The following RAB11FIP4 variants were observed in gnomAD, a reference collection of about 807,000 sequenced individuals.
RAB11FIP4 encodes rab11 family-interacting protein 4.
RAB11FIP4 carries 23 observed loss-of-function variants against 74.3 expected under a neutral mutation model. The observed-to-expected ratio is 0.31, with a 90% CI of 0.22 to 0.44. The LOEUF (loss-of-function observed/expected upper bound fraction) is 0.44. Ranked by LOEUF, RAB11FIP4 falls within the 20% of genes least tolerant of loss-of-function variation. RAB11FIP4 has a pLI of 1.00. For synonymous variants in RAB11FIP4, 360 were observed against 359.9 expected (o/e 1.00, Z 0.00); for missense variants, 630 against 863.9 (o/e 0.73, Z 3.39).
intron 1 of RAB11FIP4, among the ~76,000 whole-genome samples, chr17:31,392,880 A>T (rs1045751456): frequency 2.6e-5 from 4 of 152,168 alleles, no homozygotes; most frequent in African/African-American, 9.6e-5. Flanking sequence ...CTGGAGCCAA[A>T]AGCCCTGAGA....
intron 3 of RAB11FIP4, among the ~76,000 whole-genome samples, chr17:31,486,847 T>C (rs961502501): frequency 6.6e-6 from 1 of 152,190 alleles, no homozygotes; most frequent in Non-Finnish European, 1.5e-5. Context: ...CAGCGGCTGC[T>C]TTGCCTCAGA....
intron 3 of RAB11FIP4, among the ~76,000 whole-genome samples, chr17:31,511,482 G>GC: frequency 6.6e-6 from 1 of 152,182 alleles, no homozygotes. Context: ...TCATCATACT[G>GC]CAGTACAGTA....
At chr17:31,441,619 C>T (rs1237300121) in intron 3 of RAB11FIP4, among the ~76,000 whole-genome samples, 1 of 151,386 alleles carries the variant, frequency 6.6e-6, no homozygotes, top group East Asian at 1.9e-4. Context: ...TCTCTGCCTC[C>T]CGGGTTCAAG....
chr17:31,435,509 C>A (rs1018734114), intron 3 of RAB11FIP4, among the ~76,000 whole-genome samples: 1 of 152,180 alleles, frequency 6.6e-6, no homozygotes, highest in African/African-American at 2.4e-5. Flanking sequence ...GGTGGCAACA[C>A]CCAGAACTAG....
chr17:31,509,835 G>A (rs7212160), intron 3 of RAB11FIP4, among the ~76,000 whole-genome samples: 114,252 of 151,976 alleles, frequency 0.75, 43,044 homozygotes, highest in East Asian at 0.95. Flanking sequence ...CTGAGCTGAG[G>A]TTGCTTGTTG....
intron 3 of RAB11FIP4, among the ~76,000 whole-genome samples, chr17:31,450,599 C>G (rs1279351776): frequency 6.6e-6 from 1 of 151,974 alleles, no homozygotes; most frequent in African/African-American, 2.4e-5. Flanking sequence ...TCCACCTCAG[C>G]CTTGCCCGCC....
intron 1 of RAB11FIP4, among the ~76,000 whole-genome samples, chr17:31,414,314 G>C (rs954617920): frequency 6.6e-6 from 1 of 152,228 alleles, no homozygotes; most frequent in African/African-American, 2.4e-5. Flanking sequence ...CAGGACATCT[G>C]TTCCTTCCCT....
At chr17:31,511,585 C>G (rs1045801652) in intron 3 of RAB11FIP4, among the ~76,000 whole-genome samples, 1 of 152,246 alleles carries the variant, frequency 6.6e-6, no homozygotes, top group Non-Finnish European at 1.5e-5. Context: ...GGTCCTTGCT[C>G]TCACAGGGAA....
intron 3 of RAB11FIP4, among the ~76,000 whole-genome samples, chr17:31,516,828 G>A (rs2072560841): frequency 6.6e-6 from 1 of 152,208 alleles, no homozygotes; most frequent in East Asian, 1.9e-4. Flanking sequence ...AGGGGATCAA[G>A]AACCTGGTTG....
chr17:31,440,970 A>C (rs939583760), intron 3 of RAB11FIP4, among the ~76,000 whole-genome samples: 1 of 151,872 alleles, frequency 6.6e-6, no homozygotes, highest in African/African-American at 2.4e-5. Flanking sequence ...ATATCTTTTC[A>C]TTTATTCTGG....
intron 3 of RAB11FIP4, among the ~76,000 whole-genome samples, chr17:31,511,283 G>A (rs1284425668): frequency 2.0e-5 from 3 of 152,202 alleles, no homozygotes; most frequent in Non-Finnish European, 2.9e-5. Context: ...TTTGCCGTGT[G>A]TTCCGCGCCC....
At chr17:31,420,970 G>C (rs927960243) in intron 1 of RAB11FIP4, among the ~76,000 whole-genome samples, 1 of 152,010 alleles carries the variant, frequency 6.6e-6, no homozygotes, top group African/African-American at 2.4e-5. Flanking sequence ...TGTAATCCCA[G>C]CTACTCGGGA....
chr17:31,503,782 C>G (rs2072266094), intron 3 of RAB11FIP4, among the ~76,000 whole-genome samples: 1 of 149,784 alleles, frequency 6.7e-6, no homozygotes, highest in African/African-American at 2.6e-5. Context: ...TCTGTGGACT[C>G]TACCCGCTAG....
intron 3 of RAB11FIP4, among the ~76,000 whole-genome samples, chr17:31,434,550 A>G (rs565727589): frequency 1.3e-5 from 2 of 152,284 alleles, no homozygotes; most frequent in South Asian, 2.1e-4. Context: ...ACCTGCCACT[A>G]ACTACCCAGC....
At chr17:31,434,190 C>T in intron 3 of RAB11FIP4, 68 bp downstream of exon 3, 1 of 1,308,462 alleles carries the variant, frequency 7.6e-7, no homozygotes, top group Non-Finnish European at 1.1e-6. Flanking sequence ...GCCTTTGCTC[C>T]ATTTTCAGTA....
chr17:31,433,765 C>T (rs2071331948), intron 2 of RAB11FIP4, among the ~76,000 whole-genome samples: 1 of 152,224 alleles, frequency 6.6e-6, no homozygotes, highest in Non-Finnish European at 1.5e-5. Context: ...AGGAAGGCCT[C>T]CTTCCTTCCT....
chr17:31,464,461 C>G (rs1199293529), intron 3 of RAB11FIP4, among the ~76,000 whole-genome samples: 2 of 151,854 alleles, frequency 1.3e-5, no homozygotes, highest in East Asian at 3.9e-4. Context: ...TTTCTTTTTT[C>G]TTTCTTTGAG....
chr17:31,456,395 C>T (rs117363284), intron 3 of RAB11FIP4, among the ~76,000 whole-genome samples: 3,848 of 152,246 alleles, frequency 0.025, 65 homozygotes, highest in Middle Eastern at 0.048. Context: ...TTTGTAGAGA[C>T]GGGCTTTCAC....
chr17:31,501,021 CA>C (rs79846096), intron 3 of RAB11FIP4, among the ~76,000 whole-genome samples: 66,511 of 130,528 alleles, frequency 0.51, 16,180 homozygotes, highest in African/African-American at 0.7. Context: ...GACTCCATCT[CA>C]AAAAAAAAAA....
Sources: allele counts gnomAD v4.1 joint callset (sites outside exome capture counted in the v4.1 genomes callset), GRCh38; gene constraint gnomAD v4.1.1; transcripts MANE v1.5; gene names NCBI Gene and HGNC (gene_info 2026-07-23, HGNC 2026-07-21).